Variants in C6orf141 observed in about 807,000 individuals in gnomAD.
C6orf141 encodes uncharacterized protein C6orf141.
For synonymous variants in C6orf141, 164 were observed against 140.5 expected (o/e 1.17, Z -1.18); for missense variants, 361 against 335.8 (o/e 1.07, Z -0.59).
intron 4 of C6orf141, among the ~76,000 whole-genome samples, chr6:49,558,971 T>G (rs1164274037): frequency 6.6e-6 from 1 of 151,662 alleles, no homozygotes; most frequent in Non-Finnish European, 1.5e-5. Flanking sequence ...CCTCCCAAAG[T>G]GGTGGGATTA....
intron 4 of C6orf141, among the ~76,000 whole-genome samples, chr6:49,559,770 T>G (rs1470080617): frequency 6.6e-6 from 1 of 152,256 alleles, no homozygotes; most frequent in South Asian, 2.1e-4. Context: ...AAAGGAGGCA[T>G]AAGGGGTACC....
downstream of C6orf141, among the ~76,000 whole-genome samples, chr6:49,556,708 A>G (rs1217792399): frequency 6.6e-6 from 1 of 152,192 alleles, no homozygotes; most frequent in African/African-American, 2.4e-5. Flanking sequence ...ATAAGTAAAC[A>G]AAGGGCTGTG....
At chr6:49,550,817 G>T in exon 1 of C6orf141, 1 of 1,469,154 alleles carries the variant, frequency 6.8e-7, no homozygotes, top group Non-Finnish European at 9.0e-7. Context: ...TGCCAGGATG[G>T]AGACCCGGGG....
chr6:49,561,221 C>G (rs1288186731), intron 4 of C6orf141, among the ~76,000 whole-genome samples: 4 of 152,022 alleles, frequency 2.6e-5, no homozygotes, highest in Admixed American at 2.0e-4. Flanking sequence ...CCTCAGCCTA[C>G]CAGGTAGCTG....
rs554647302 is a variant in C6orf141 at position 49,551,964 on chromosome 6, C to CA, written c.*442dup. ...TGGAGAAGAGGCTTGTTTTAAAAGCCAAAAACAGAAAGTAAAAAGAAATGG... is the reference window on the plus strand; with the variant it reads ...TGGAGAAGAGGCTTGTTTTAAAAGCCAAAAAACAGAAAGTAAAAAGAAATGG... On this transcript the variant is annotated 3_prime_UTR_variant, in exon 1 of 1. Transcript: ENST00000529246. 4.3e-4 allele frequency: 431 copies of CA among 1,008,512 alleles called. No homozygotes were observed. The highest frequency in any genetic ancestry group is 5.0e-4 in the Non-Finnish European group (417 of 835,834). The allele number at this position is 1,008,512 out of a possible 1,614,324, so 62.5% of individuals were successfully genotyped here.
chr6:49,557,688 ACTAT>A lies in C6orf141; in HGVS notation c.*763+2533_*763+2536del, dbSNP rs1436097617. The stretch of plus-strand genomic sequence containing the variant: ...AACAAACAAAACTCAGAGGTCTCTA[ACTAT>A]CAGTCTCTGTGGGAGGGTGGAAGCC... On this transcript the variant is annotated intron_variant and NMD_transcript_variant, in intron 4 of 4. Transcript: ENST00000371194. Among the ~76,000 whole-genome samples the A allele has an allele frequency of 3.9e-5, 6 of 152,268 alleles. No homozygotes were observed. The East Asian group carries it at 1.2e-3, about 29-fold the overall frequency.
At chr6:49,560,375 G>A (rs1773061496) in intron 4 of C6orf141, among the ~76,000 whole-genome samples, 1 of 152,188 alleles carries the variant, frequency 6.6e-6, no homozygotes, top group African/African-American at 2.4e-5. Flanking sequence ...CTGTTGGAGT[G>A]GAAGAAGGGA....
rs1039527254 is a variant in C6orf141, at chr6:49,551,600, T to C, written c.*73T>C. 13 of 1,521,218 alleles carry C rather than the reference T, an allele frequency of 8.5e-6. No individual in the cohort carries two copies. In the Admixed American group the frequency reaches 3.1e-4, roughly 36 times the overall value. The allele number at this position is 1,521,218 out of a possible 1,614,324, so 94.2% of individuals were successfully genotyped here. A position where few individuals can be genotyped will look rare whatever the true frequency, so the allele number is the denominator to read the frequency against. On this transcript the variant is annotated 3_prime_UTR_variant, in exon 1 of 1. Transcript: ENST00000529246. ...TAAAAGAAAATGCTATTCTGGGAGC[T>C]CCAACCTGCAATTAACCTACAGAAG...
chr6:49,561,866 T>A (rs940132549), exon 5 of C6orf141: 2 of 151,448 alleles, frequency 1.3e-5, no homozygotes, highest in South Asian at 2.1e-4. Flanking sequence ...TTTTGTTAAT[T>A]TTTTTTAAAC....
At chr6:49,557,113 G>T (rs145310639) in intron 4 of C6orf141, among the ~76,000 whole-genome samples, 56 of 152,210 alleles carry the variant, frequency 3.7e-4, no homozygotes, top group African/African-American at 1.3e-3. Flanking sequence ...ATTAGCCGAG[G>T]TGATGGTGCA....
downstream of C6orf141, chr6:49,552,989 C>T (rs6927176): frequency 0.058 from 8,833 of 152,204 alleles, 524 homozygotes; most frequent in African/African-American, 0.15. Context: ...TGCAGTGCAA[C>T]GGCACGATCT....
At chr6:49,557,316 C>A (rs1281068880) in intron 4 of C6orf141, among the ~76,000 whole-genome samples, 1 of 151,936 alleles carries the variant, frequency 6.6e-6, no homozygotes, top group Non-Finnish European at 1.5e-5. Flanking sequence ...TGCAGCCCTC[C>A]CCAAAATAGA....
chr6:49,558,052 C>G (rs1450959864), intron 4 of C6orf141, among the ~76,000 whole-genome samples: 1 of 130,768 alleles, frequency 7.6e-6, no homozygotes, highest in African/African-American at 3.0e-5. Flanking sequence ...CCGTTACACT[C>G]AAATATGTTT....
downstream of C6orf141, among the ~76,000 whole-genome samples, chr6:49,555,744 G>A (rs530316896): frequency 2.5e-4 from 38 of 152,118 alleles, no homozygotes; most frequent in South Asian, 7.3e-3. Context: ...TCCTGATCTC[G>A]TGATCTGTCC....
chr6:49,556,088 G>A (rs547510364), downstream of C6orf141, among the ~76,000 whole-genome samples: 8 of 152,278 alleles, frequency 5.3e-5, no homozygotes, highest in East Asian at 3.9e-4. Flanking sequence ...AAACGGCAGC[G>A]TGGGCATCTC....
In C6orf141 at chr6:49,550,984, C is replaced by A. The variant is rs1212934514; in HGVS notation, c.192C>A (p.Asp64Glu). The A allele has an allele frequency of 1.3e-6, 2 of 1,550,980 alleles. No homozygotes were observed. Among genetic ancestry groups the A allele is most frequent in the Non-Finnish European group, 1.7e-6 (2 of 1,146,834 alleles). ...ASRSQGGGHE[D>E]RTADRALGPR... ...GAAGCCAGGGCGGCGGCCACGAGGA[C>A]AGAACGGCAGATCGGGCCCTCGGAC... Residue 64 changes from aspartate (D) to glutamate (E), a missense_variant, in exon 1 of 1, where the codon GAC becomes GAA. Asp to Glu is a conservative substitution (Grantham distance 45). Coordinates refer to ENST00000529246, the MANE Select transcript of C6orf141 (RefSeq NM_001145652.2).
downstream of C6orf141, chr6:49,552,464 G>A (rs926671708): frequency 6.6e-6 from 1 of 152,142 alleles, no homozygotes; most frequent in East Asian, 1.9e-4. Flanking sequence ...TAACTCTTTA[G>A]TAGTTGGCCT....
At chr6:49,558,739 G>C (rs770820332) in intron 4 of C6orf141, among the ~76,000 whole-genome samples, 1 of 151,528 alleles carries the variant, frequency 6.6e-6, no homozygotes, top group African/African-American at 2.4e-5. Context: ...ATGGAGTCTT[G>C]CTCTGTTGCC....
intron 4 of C6orf141, among the ~76,000 whole-genome samples, chr6:49,561,125 T>A (rs1008870321): frequency 1.4e-5 from 2 of 142,780 alleles, no homozygotes; most frequent in Non-Finnish European, 3.0e-5. Context: ...TGAGACAGAG[T>A]CTTTCTCTGT....
Sources: allele counts gnomAD v4.1 joint callset (sites outside exome capture counted in the v4.1 genomes callset), GRCh38; gene constraint gnomAD v4.1.1; transcripts MANE v1.5; gene names NCBI Gene and HGNC (gene_info 2026-07-23, HGNC 2026-07-21).